CHN2: variants seen among roughly 807,000 people sequenced by gnomAD.
CHN2 encodes beta-chimaerin.
CHN2 carries 35 observed loss-of-function variants against 56.3 expected under a neutral mutation model. The observed-to-expected ratio is 0.62, with a 90% CI of 0.47 to 0.82. CHN2 has a LOEUF of 0.82. CHN2 is among the 40% of genes least tolerant of loss of function. The pLI is 0.00. For synonymous variants in CHN2, 210 were observed against 212.8 expected (o/e 0.99, Z 0.12); for missense variants, 491 against 580.5 (o/e 0.85, Z 1.58).
intron 6 of CHN2, among the ~76,000 whole-genome samples, chr7:29,454,047 A>C (rs1784583796): frequency 6.6e-6 from 1 of 152,220 alleles, no homozygotes; most frequent in African/African-American, 2.4e-5. Flanking sequence ...ACTCCACAGC[A>C]GTAGACAAAT....
chr7:29,273,359 A>ATATATATATATATATATATATATGTG (rs1790876350), intron 1 of CHN2, among the ~76,000 whole-genome samples: 1 of 77,536 alleles, frequency 1.3e-5, no homozygotes, highest in Non-Finnish European at 2.5e-5. Flanking sequence ...ATATATATAT[A>ATATATATATATATATATATATATGTG]TATATATATA....
At chr7:29,209,526 A>C (rs187566748) in intron 1 of CHN2, among the ~76,000 whole-genome samples, 2 of 152,222 alleles carry the variant, frequency 1.3e-5, no homozygotes, top group African/African-American at 4.8e-5. Flanking sequence ...TTATGAAAAA[A>C]ATATAAATCC....
intron 1 of CHN2, among the ~76,000 whole-genome samples, chr7:29,207,843 A>G (rs1461222697): frequency 6.6e-6 from 1 of 152,232 alleles, no homozygotes; most frequent in East Asian, 1.9e-4. Flanking sequence ...AGACTTTGTT[A>G]GAAAGACTTA....
intron 6 of CHN2, among the ~76,000 whole-genome samples, chr7:29,408,364 C>G (rs547739038): frequency 1.3e-5 from 2 of 152,100 alleles, no homozygotes; most frequent in South Asian, 4.2e-4. Flanking sequence ...GAAGGGGAGA[C>G]GAGAGTAAAG....
intron 7 of CHN2, among the ~76,000 whole-genome samples, chr7:29,491,194 A>G (rs1250938637): frequency 2.6e-5 from 4 of 151,620 alleles, no homozygotes; most frequent in Non-Finnish European, 5.9e-5. Context: ...TCTTTCTTAC[A>G]TTTCTCTCAT....
chr7:29,482,797 C>CTTTTCTTTTTTTTTTTTTT (rs1787429870), intron 7 of CHN2, among the ~76,000 whole-genome samples: 4 of 64,206 alleles, frequency 6.2e-5, no homozygotes, highest in Non-Finnish European at 1.2e-4. Flanking sequence ...GCACTTTTTT[C>CTTTTCTTTTTTTTTTTTTT]TTTTTTTTTT....
chr7:29,446,090 G>C (rs1002958361), intron 6 of CHN2, among the ~76,000 whole-genome samples: 3 of 152,144 alleles, frequency 2.0e-5, no homozygotes, highest in African/African-American at 4.8e-5. Context: ...CAGAAACTCT[G>C]GGTAGGGAAC....
chr7:29,293,611 A>G (rs1409807708), intron 1 of CHN2, among the ~76,000 whole-genome samples: 1 of 152,066 alleles, frequency 6.6e-6, no homozygotes, highest in Non-Finnish European at 1.5e-5. Context: ...GCAAACAGGT[A>G]GGCTGTGTTT....
chr7:29,311,441 G>A (rs974222265), intron 1 of CHN2, among the ~76,000 whole-genome samples: 6 of 152,254 alleles, frequency 3.9e-5, no homozygotes, highest in Middle Eastern at 3.4e-3. Flanking sequence ...TTTGTGCCAG[G>A]TACTTTATAT....
At chr7:29,204,065 C>CTGTGTGTGTGTG (rs755525736) in intron 1 of CHN2, among the ~76,000 whole-genome samples, 2 of 135,916 alleles carry the variant, frequency 1.5e-5, no homozygotes, top group East Asian at 2.2e-4. Context: ...TTTTCTCTCT[C>CTGTGTGTGTGTG]TCTGTGTGTG....
At chr7:29,473,726 C>G (rs1786353948) in intron 6 of CHN2, among the ~76,000 whole-genome samples, 1 of 151,892 alleles carries the variant, frequency 6.6e-6, no homozygotes, top group African/African-American at 2.4e-5. Flanking sequence ...AGGTATAAGG[C>G]AGGAGAAGCT....
chr7:29,427,656 C>T (rs372848346), intron 6 of CHN2, among the ~76,000 whole-genome samples: 12 of 120,372 alleles, frequency 1.0e-4, no homozygotes, highest in Admixed American at 1.8e-4. Context: ...ATTTTTTATT[C>T]TTTTTTTTTT....
At chr7:29,464,406 A>G (rs1785401915) in intron 6 of CHN2, among the ~76,000 whole-genome samples, 1 of 152,240 alleles carries the variant, frequency 6.6e-6, no homozygotes, top group African/African-American at 2.4e-5. Context: ...TAATATTTTA[A>G]GGAACATGAA....
chr7:29,463,341 G>A (rs994058527), intron 6 of CHN2, among the ~76,000 whole-genome samples: 4 of 152,148 alleles, frequency 2.6e-5, no homozygotes, highest in African/African-American at 9.7e-5. Flanking sequence ...CAGAGCCCAT[G>A]TAAGGAAACC....
intron 2 of CHN2, among the ~76,000 whole-genome samples, chr7:29,360,975 C>T (rs777628890): frequency 3.9e-5 from 6 of 152,222 alleles, no homozygotes; most frequent in Non-Finnish European, 7.3e-5. Context: ...GCTCCACCTC[C>T]GTGTTCCCCA....
chr7:29,371,960 C>T (rs62459634), intron 3 of CHN2, among the ~76,000 whole-genome samples: 8,262 of 152,188 alleles, frequency 0.054, 302 homozygotes, highest in East Asian at 0.19. Context: ...GCTTCCACTC[C>T]TTGCAGCTTC....
At chr7:29,391,402 G>A (rs1345478541) in intron 3 of CHN2, among the ~76,000 whole-genome samples, 1 of 151,718 alleles carries the variant, frequency 6.6e-6, no homozygotes, top group Non-Finnish European at 1.5e-5. Flanking sequence ...GGGGAGAAGA[G>A]AGGAAGGGAG....
At chr7:29,422,492 C>T (rs1226483029) in intron 6 of CHN2, among the ~76,000 whole-genome samples, 1 of 152,252 alleles carries the variant, frequency 6.6e-6, no homozygotes, top group African/African-American at 2.4e-5. Flanking sequence ...GACGGCCTCT[C>T]TCCCTGGCCA....
intron 7 of CHN2, among the ~76,000 whole-genome samples, chr7:29,485,981 AC>A (rs938815777): frequency 4.6e-5 from 7 of 150,542 alleles, no homozygotes; most frequent in Admixed American, 3.3e-4. Context: ...GAAAGTTCTA[AC>A]CCCCCTCACT....
Sources: gnomAD v4.1 joint callset for allele counts (sites outside exome capture counted in the v4.1 genomes callset) on GRCh38, gnomAD v4.1.1 for gene constraint, MANE v1.5 for transcripts, NCBI Gene and HGNC (gene_info 2026-07-23, HGNC 2026-07-21) for gene names.